The following SPAG16 variants were observed in gnomAD, a reference collection of about 807,000 sequenced individuals.
SPAG16 encodes sperm associated antigen 16.
A neutral mutation model predicts 80.4 loss-of-function variants in SPAG16; 86 were observed. The observed-to-expected ratio is 1.07, with a 90% CI of 0.90 to 1.28. The LOEUF (loss-of-function observed/expected upper bound fraction) is 1.28, where lower values mean the gene tolerates loss of function less well. SPAG16 is among the 50% of genes most tolerant of loss of function. The pLI, the probability that SPAG16 is intolerant of heterozygous loss-of-function variation, is 0.00. For synonymous variants in SPAG16, 294 were observed against 265.9 expected (o/e 1.11, Z -1.03); for missense variants, 870 against 765.3 (o/e 1.14, Z -1.61).
intron 10 of SPAG16, among the ~76,000 whole-genome samples, chr2:213,810,118 G>C (rs1023496151): frequency 5.3e-5 from 8 of 152,144 alleles, no homozygotes; most frequent in African/African-American, 1.4e-4. Flanking sequence ...GAGAAGGATA[G>C]TTAGAGGCTT....
At chr2:214,213,719 A>G (rs1453355638) in intron 15 of SPAG16, among the ~76,000 whole-genome samples, 3 of 152,158 alleles carry the variant, frequency 2.0e-5, no homozygotes, top group Non-Finnish European at 4.4e-5. Context: ...TAAGAATCAC[A>G]TGTATTCAAA....
At chr2:214,193,465 G>T (rs994028295) in intron 15 of SPAG16, among the ~76,000 whole-genome samples, 1 of 150,634 alleles carries the variant, frequency 6.6e-6, no homozygotes, top group African/African-American at 2.4e-5. Context: ...GAGAGAGAAG[G>T]GGGTAGAGCT....
chr2:213,710,402 G>C (rs950953941), intron 10 of SPAG16, among the ~76,000 whole-genome samples: 1 of 151,982 alleles, frequency 6.6e-6, no homozygotes, highest in Admixed American at 6.6e-5. Context: ...TTATAACTAA[G>C]CGTAAGGTAT....
At chr2:213,795,699 C>A (rs2070982613) in intron 10 of SPAG16, among the ~76,000 whole-genome samples, 1 of 152,068 alleles carries the variant, frequency 6.6e-6, no homozygotes, top group South Asian at 2.1e-4. Context: ...TAGCACCATC[C>A]CCTCAGTGCT....
intron 10 of SPAG16, among the ~76,000 whole-genome samples, chr2:213,640,550 CTCTGGTCTGA>C (rs1413677351): frequency 4.6e-5 from 7 of 152,154 alleles, no homozygotes; most frequent in Non-Finnish European, 1.0e-4. Context: ...GGCTACAGGG[CTCTGGTCTGA>C]TACTGGGGAG....
chr2:213,446,012 G>T (rs772521757), intron 9 of SPAG16, among the ~76,000 whole-genome samples: 3 of 152,134 alleles, frequency 2.0e-5, no homozygotes, highest in Non-Finnish European at 2.9e-5. Flanking sequence ...AAACCATCCA[G>T]AAATGAAGCC....
intron 10 of SPAG16, among the ~76,000 whole-genome samples, chr2:213,859,266 G>GCA (rs1027814342): frequency 1.5e-5 from 2 of 133,954 alleles, no homozygotes; most frequent in Non-Finnish European, 3.1e-5. Context: ...TCTACTATTA[G>GCA]CACAAGAAAA....
chr2:214,026,512 G>T, intron 13 of SPAG16, among the ~76,000 whole-genome samples: 1 of 151,474 alleles, frequency 6.6e-6, no homozygotes, highest in East Asian at 1.9e-4. Flanking sequence ...ACACGTATAA[G>T]GATATGCCAG....
intron 10 of SPAG16, among the ~76,000 whole-genome samples, chr2:213,586,789 A>C (rs1334571535): frequency 1.3e-5 from 2 of 152,234 alleles, no homozygotes; most frequent in Non-Finnish European, 2.9e-5. Flanking sequence ...ACGTAACATT[A>C]GCATTCTAGA....
At chr2:213,964,995 T>A (rs1213315629) in intron 12 of SPAG16, among the ~76,000 whole-genome samples, 1 of 152,246 alleles carries the variant, frequency 6.6e-6, no homozygotes, top group Non-Finnish European at 1.5e-5. Flanking sequence ...TCTCTTGCCA[T>A]TTTCTTTGCC....
chr2:213,613,810 G>A (rs1422388333), intron 10 of SPAG16, among the ~76,000 whole-genome samples: 1 of 152,078 alleles, frequency 6.6e-6, no homozygotes, highest in Non-Finnish European at 1.5e-5. Context: ...GTGAATGCAT[G>A]GATGGTTCTT....
chr2:213,370,467 TTAAGA>T (rs1430950181), intron 8 of SPAG16, among the ~76,000 whole-genome samples: 3 of 152,186 alleles, frequency 2.0e-5, no homozygotes, highest in Admixed American at 6.5e-5. Context: ...TGTTTTCATA[TTAAGA>T]TAAGAAGAAT....
intron 12 of SPAG16, among the ~76,000 whole-genome samples, chr2:213,987,527 T>C (rs2046072296): frequency 6.6e-6 from 1 of 152,088 alleles, no homozygotes; most frequent in African/African-American, 2.4e-5. Flanking sequence ...GCTCCCTAAA[T>C]ACTCATTCAT....
At position 213,850,303 on chromosome 2, in the gene SPAG16, A is replaced by G. The variant is rs2074837374; in HGVS notation, c.1071-12182A>G. On this transcript the variant is annotated intron_variant, in intron 10 of 15. Coordinates refer to ENST00000331683, the MANE Select transcript of SPAG16 (RefSeq NM_024532.5). ...CTTTATAAGGGTCAGGACCAGCACT[A>G]CTATAACAAAGGCATGTTAATAAGA... Among the ~76,000 whole-genome samples the G allele has an allele frequency of 2.6e-5, 4 of 152,356 alleles. No homozygotes were observed. In the South Asian group the frequency reaches 6.2e-4, roughly 24 times the overall value.
chr2:213,877,398 C>G (rs1477247485), intron 11 of SPAG16, among the ~76,000 whole-genome samples: 2 of 152,068 alleles, frequency 1.3e-5, no homozygotes, highest in Non-Finnish European at 2.9e-5. Flanking sequence ...CAGCCTCAAC[C>G]TCCCAACATC....
rs199934008 is a variant in SPAG16, at chr2:213,694,700, CCCTT to C, written c.1071-167765_1071-167762del. Reference sequence around the variant, plus strand: ...TTCAGATTTTTAACTCATTGACCCACCCTTCCTTCCTTCCTTCCTTCCTGCTTGC... The same window carrying C: ...TTCAGATTTTTAACTCATTGACCCACCCTTCCTTCCTTCCTTCCTGCTTGC... On this transcript the variant is annotated intron_variant, in intron 10 of 15. Coordinates refer to ENST00000331683, the MANE Select transcript of SPAG16 (RefSeq NM_024532.5). Among the ~76,000 whole-genome samples, 1,319 of 149,034 alleles carry C rather than the reference CCCTT, an allele frequency of 8.9e-3. 24 individuals carry two copies. Among genetic ancestry groups the C allele is most frequent in the African/African-American group, 0.031 (1,245 of 40,566 alleles).
chr2:213,914,532 A>G (rs2077857655), intron 11 of SPAG16, among the ~76,000 whole-genome samples: 1 of 152,164 alleles, frequency 6.6e-6, no homozygotes, highest in Admixed American at 6.5e-5. Flanking sequence ...TGCACAGCAC[A>G]ATGATTTTAA....
Position 214,308,252 on chromosome 2 carries a change from C to G in SPAG16, c.1721-101888C>G, listed in dbSNP as rs150335959. 1.5e-3 allele frequency among the ~76,000 whole-genome samples: 225 copies of G among 152,222 alleles called. 4 individuals carry two copies. The South Asian group carries it at 0.016, about 11-fold the overall frequency. Reference sequence around the variant, plus strand: ...TTCCATTTTCTTGGTAGGTTTTTCTCTATCCCTTTATTTTGAGCCTATTTG... The same window carrying G: ...TTCCATTTTCTTGGTAGGTTTTTCTGTATCCCTTTATTTTGAGCCTATTTG... On this transcript the variant is annotated intron_variant, in intron 15 of 15. Transcript: ENST00000331683.
chr2:213,676,104 C>G (rs1428939123), intron 10 of SPAG16, among the ~76,000 whole-genome samples: 1 of 151,818 alleles, frequency 6.6e-6, no homozygotes, highest in Admixed American at 6.6e-5. Flanking sequence ...TCCTTCACGT[C>G]CCTTGTAAGT....
Sources: allele counts gnomAD v4.1 joint callset (sites outside exome capture counted in the v4.1 genomes callset), GRCh38; gene constraint gnomAD v4.1.1; transcripts MANE v1.5; gene names NCBI Gene and HGNC (gene_info 2026-07-23, HGNC 2026-07-21).